FMNL2: variants seen among roughly 807,000 people sequenced by gnomAD.
The protein encoded by FMNL2 is formin-like protein 2.
FMNL2 carries 51 observed loss-of-function variants against 130.2 expected under a neutral mutation model. The observed-to-expected ratio is 0.39, with a 90% CI of 0.31 to 0.49. The LOEUF is 0.49. FMNL2 is among the 20% of genes least tolerant of loss of function. FMNL2 has a pLI of 0.85. For missense variants in FMNL2, 977 were observed against 1,316.2 expected (o/e 0.74, Z 3.99); for synonymous variants, 465 against 467.1 (o/e 1.00, Z 0.06).
intron 9 of FMNL2, among the ~76,000 whole-genome samples, chr2:152,607,020 T>C (rs1303759341): frequency 6.7e-6 from 1 of 149,272 alleles, no homozygotes; most frequent in Non-Finnish European, 1.5e-5. Context: ...TTTTTTTTTT[T>C]TTTTACCATG....
intron 1 of FMNL2, among the ~76,000 whole-genome samples, chr2:152,357,778 C>A (rs1370258819): frequency 2.0e-5 from 3 of 152,202 alleles, no homozygotes; most frequent in Non-Finnish European, 4.4e-5. Flanking sequence ...CAACCAGAGG[C>A]TCTGGGGAGC....
intron 2 of FMNL2, among the ~76,000 whole-genome samples, chr2:152,538,814 AAACC>A (rs1694148358): frequency 2.6e-5 from 4 of 152,222 alleles, no homozygotes; most frequent in African/African-American, 9.6e-5. Context: ...CTGATTTGCC[AAACC>A]TTTTCTCTCT....
intron 1 of FMNL2, among the ~76,000 whole-genome samples, chr2:152,475,171 T>A (rs530784289): frequency 6.6e-6 from 1 of 152,320 alleles, no homozygotes; most frequent in East Asian, 1.9e-4. Context: ...AATATAAAAA[T>A]GAATGGTGAT....
At chr2:152,547,924 T>G (rs2105523446) in intron 3 of FMNL2, among the ~76,000 whole-genome samples, 1 of 152,246 alleles carries the variant, frequency 6.6e-6, no homozygotes, top group Non-Finnish European at 1.5e-5. Context: ...GACTGTCACT[T>G]TATATTTCTG....
At chr2:152,347,072 CAG>C (rs143064619) in intron 1 of FMNL2, among the ~76,000 whole-genome samples, 12,101 of 147,364 alleles carry the variant, frequency 0.082, 674 homozygotes, top group Non-Finnish European at 0.13. Flanking sequence ...GTCTGGGTGA[CAG>C]GGCGATATTC....
intron 1 of FMNL2, among the ~76,000 whole-genome samples, chr2:152,434,774 G>A (rs1170722068): frequency 1.3e-5 from 2 of 152,004 alleles, no homozygotes; most frequent in Admixed American, 6.6e-5. Context: ...AATTATTCAT[G>A]CTACTTTGCG....
chr2:152,511,898 A>G (rs535888080), intron 1 of FMNL2, among the ~76,000 whole-genome samples: 1 of 152,144 alleles, frequency 6.6e-6, no homozygotes, highest in Non-Finnish European at 1.5e-5. Flanking sequence ...TTGATATCTA[A>G]TATGTTACAA....
chr2:152,461,758 GTTC>G (rs1384836812), intron 1 of FMNL2, among the ~76,000 whole-genome samples: 1 of 152,006 alleles, frequency 6.6e-6, no homozygotes, highest in East Asian at 1.9e-4. Context: ...AAAGAATTTT[GTTC>G]TTCTTTTGTA....
chr2:152,645,675 T>C (rs1683489117), intron 25 of FMNL2: 2 of 401,194 alleles, frequency 5.0e-6, no homozygotes, highest in South Asian at 4.2e-5. Flanking sequence ...AGCCTCTCTG[T>C]TGGACTCTTT....
chr2:152,461,138 T>G (rs1043506536), intron 1 of FMNL2, among the ~76,000 whole-genome samples: 4 of 152,166 alleles, frequency 2.6e-5, no homozygotes, highest in African/African-American at 9.7e-5. Flanking sequence ...GGAACAGAGC[T>G]GAACAATAGA....
chr2:152,637,202 T>G (rs926139040), intron 22 of FMNL2, among the ~76,000 whole-genome samples: 1 of 152,156 alleles, frequency 6.6e-6, no homozygotes. Context: ...GTGACCAAGA[T>G]CCCTTTTGAC....
At chr2:152,387,653 C>CT (rs538872851) in intron 1 of FMNL2, among the ~76,000 whole-genome samples, 18 of 150,120 alleles carry the variant, frequency 1.2e-4, no homozygotes, top group South Asian at 8.4e-4. Flanking sequence ...TGTGTTTTTT[C>CT]TTTTTTTTTG....
chr2:152,529,962 GA>G (rs968442135), intron 2 of FMNL2, among the ~76,000 whole-genome samples: 2 of 151,714 alleles, frequency 1.3e-5, no homozygotes, highest in East Asian at 1.9e-4. Flanking sequence ...AGTGGGGAAG[GA>G]AAAAAAAGAA....
intron 1 of FMNL2, among the ~76,000 whole-genome samples, chr2:152,358,246 G>A (rs1682953533): frequency 6.6e-6 from 1 of 152,194 alleles, no homozygotes; most frequent in Non-Finnish European, 1.5e-5. Context: ...ACTGAGGCCT[G>A]CACTATCAGC....
At chr2:152,585,429 C>T (rs1202910958) in intron 9 of FMNL2, among the ~76,000 whole-genome samples, 1 of 151,992 alleles carries the variant, frequency 6.6e-6, no homozygotes, top group Non-Finnish European at 1.5e-5. Flanking sequence ...TAAAAACCAC[C>T]CTTTGGATAT....
intron 9 of FMNL2, among the ~76,000 whole-genome samples, chr2:152,585,007 C>G (rs1246891866): frequency 6.6e-6 from 1 of 152,048 alleles, no homozygotes; most frequent in African/African-American, 2.4e-5. Flanking sequence ...TACATGGCTT[C>G]AATGTACATG....
rs1342660080 is a variant in FMNL2, at chr2:152,619,540, A to G, written c.1659A>G (p.Pro553=). 2.3e-5 allele frequency: 32 copies of G among 1,401,922 alleles called. No individual in the cohort carries two copies. The highest frequency in any genetic ancestry group is 2.4e-4 in the Middle Eastern group (1 of 4,210). The allele number at this position is 1,401,922 out of a possible 1,614,324, so 86.8% of individuals were successfully genotyped here. The part of the protein sequence containing the change: ...VQNGPVTPPM[P]PPPPPPPPPP... ...ATGGTCCAGTAACACCACCTATGCC[A>G]CCGCCGCCGCCGCCCCCTCCTCCAC... Residue 553 remains proline (P), a synonymous_variant, in exon 15 of 26, where the codon CCA becomes CCG. Transcript: ENST00000288670.
chr2:152,335,939 T>C (rs1681395267), intron 1 of FMNL2, among the ~76,000 whole-genome samples: 1 of 151,190 alleles, frequency 6.6e-6, no homozygotes, highest in African/African-American at 2.4e-5. Flanking sequence ...GGATGGGGGC[T>C]CAGGGCCGGC....
At chr2:152,495,050 T>C (rs1407096078) in intron 1 of FMNL2, among the ~76,000 whole-genome samples, 1 of 152,168 alleles carries the variant, frequency 6.6e-6, no homozygotes, top group Non-Finnish European at 1.5e-5. Flanking sequence ...GGAATACACA[T>C]AACACCTGGA....
Sources: allele counts gnomAD v4.1 joint callset (sites outside exome capture counted in the v4.1 genomes callset), GRCh38; gene constraint gnomAD v4.1.1; transcripts MANE v1.5; gene names NCBI Gene and HGNC (gene_info 2026-07-23, HGNC 2026-07-21).